Variants in SPIRE1 observed in about 807,000 individuals in gnomAD.
SPIRE1 encodes the protein spire type actin nucleation factor 1.
In SPIRE1, 40 loss-of-function variants were observed where a neutral mutation model predicts 94.1. That is an observed-to-expected ratio of 0.43 (90% confidence interval 0.33 to 0.55). SPIRE1 has a LOEUF of 0.55. Among genes scored for constraint, SPIRE1 ranks in the 20% least tolerant of loss-of-function variants. SPIRE1 has a pLI of 0.06. For synonymous variants in SPIRE1, 376 were observed against 371.7 expected (o/e 1.01, Z -0.13); for missense variants, 838 against 975.2 (o/e 0.86, Z 1.87).
At chr18:12,580,159 A>G (rs1470223953) in intron 2 of SPIRE1, among the ~76,000 whole-genome samples, 1 of 152,170 alleles carries the variant, frequency 6.6e-6, no homozygotes, top group African/African-American at 2.4e-5. Flanking sequence ...AGATGCAGGC[A>G]GGTGGACTGG....
At chr18:12,464,615 C>A (rs1437999653) in intron 11 of SPIRE1, among the ~76,000 whole-genome samples, 1 of 152,168 alleles carries the variant, frequency 6.6e-6, no homozygotes, top group Admixed American at 6.6e-5. Context: ...GAACGCTACA[C>A]ACACAACTGA....
At chr18:12,599,272 T>C (rs1400583938) in intron 2 of SPIRE1, among the ~76,000 whole-genome samples, 1 of 152,224 alleles carries the variant, frequency 6.6e-6, no homozygotes, top group Non-Finnish European at 1.5e-5. Flanking sequence ...TTTTCTTTTT[T>C]TGAGACAGAG....
chr18:12,552,490 T>C (rs571897266), intron 2 of SPIRE1, among the ~76,000 whole-genome samples: 1 of 152,224 alleles, frequency 6.6e-6, no homozygotes, highest in East Asian at 1.9e-4. Context: ...CCACCCCTCA[T>C]ATTGTCTTAT....
intron 4 of SPIRE1, among the ~76,000 whole-genome samples, chr18:12,520,861 G>A (rs2034336519): frequency 6.6e-6 from 1 of 152,188 alleles, no homozygotes; most frequent in South Asian, 2.1e-4. Context: ...CTGTGAATGA[G>A]ACAGACGTCT....
chr18:12,585,182 TTAA>T (rs2036362664), intron 2 of SPIRE1, among the ~76,000 whole-genome samples: 2 of 152,222 alleles, frequency 1.3e-5, no homozygotes, highest in South Asian at 4.1e-4. Context: ...GAAGACTGTC[TTAA>T]TAATATGAAT....
chr18:12,613,298 T>C (rs1349028700), intron 2 of SPIRE1, among the ~76,000 whole-genome samples: 2 of 152,224 alleles, frequency 1.3e-5, no homozygotes, highest in Admixed American at 1.3e-4. Context: ...TGGAATCTAC[T>C]GTGTGTTTGT....
chr18:12,569,039 TAGA>T (rs2035886462), intron 2 of SPIRE1, among the ~76,000 whole-genome samples: 1 of 152,128 alleles, frequency 6.6e-6, no homozygotes, highest in South Asian at 2.1e-4. Flanking sequence ...CCCATACTCT[TAGA>T]AATACAGGCA....
intron 8 of SPIRE1, among the ~76,000 whole-genome samples, chr18:12,488,464 AGTT>A (rs1049047902): frequency 2.0e-5 from 3 of 152,112 alleles, no homozygotes; most frequent in African/African-American, 7.2e-5. Context: ...ATGTCTCTCT[AGTT>A]GCTGTTTTCC....
rs80219864 is a variant in SPIRE1, at chr18:12,585,549, A to G, written c.373-38645T>C. ...GTTAGTGTGTCTATATAATGGGGAT[A>G]ATAACTGTACCTGCTTCATAAGGGT... On this transcript the variant is annotated intron_variant, in intron 2 of 16. Transcript: ENST00000409402. Among the ~76,000 whole-genome samples, 385 of 152,344 alleles carry G rather than the reference A, an allele frequency of 2.5e-3. 14 individuals are homozygous for G. The East Asian group carries it at 0.069, about 27-fold the overall frequency.
chr18:12,465,440 G>A (rs2032052695), intron 10 of SPIRE1, among the ~76,000 whole-genome samples: 1 of 152,198 alleles, frequency 6.6e-6, no homozygotes, highest in East Asian at 1.9e-4. Context: ...GGTGTGAGCC[G>A]CTGCACCTGG....
At chr18:12,476,047 G>A (rs1445673868) in intron 10 of SPIRE1, among the ~76,000 whole-genome samples, 2 of 152,172 alleles carry the variant, frequency 1.3e-5, no homozygotes, top group East Asian at 1.9e-4. Flanking sequence ...TTAACCAGTT[G>A]ATGATCTGAA....
intron 3 of SPIRE1, among the ~76,000 whole-genome samples, chr18:12,538,882 C>T (rs2144225743): frequency 6.6e-6 from 1 of 152,214 alleles, no homozygotes; most frequent in South Asian, 2.1e-4. Context: ...CTTGTTGTTT[C>T]TACCTTCAAA....
At chr18:12,471,706 C>A (rs1180971029) in intron 10 of SPIRE1, among the ~76,000 whole-genome samples, 1 of 152,218 alleles carries the variant, frequency 6.6e-6, no homozygotes, top group African/African-American at 2.4e-5. Context: ...CAGAGTTAGA[C>A]AGACTTGGGT....
intron 1 of SPIRE1, among the ~76,000 whole-genome samples, chr18:12,650,283 G>A (rs1305322943): frequency 2.6e-5 from 4 of 152,094 alleles, no homozygotes; most frequent in Non-Finnish European, 5.9e-5. Flanking sequence ...AGCAGGCCAG[G>A]CATGGTGGCT....
chr18:12,577,138 A>G (rs1160547228), intron 2 of SPIRE1, among the ~76,000 whole-genome samples: 1 of 151,596 alleles, frequency 6.6e-6, no homozygotes, highest in Non-Finnish European at 1.5e-5. Flanking sequence ...ATATACAAAA[A>G]TTATTATTAT....
At chr18:12,485,810 A>G (rs1276430053) in intron 9 of SPIRE1, 149 bp downstream of exon 9, 1 of 636,978 alleles carries the variant, frequency 1.6e-6, no homozygotes, top group Non-Finnish European at 2.8e-6. Flanking sequence ...GTTTTCAAAC[A>G]AGCAGAATGT....
upstream of SPIRE1, chr18:12,661,689 C>A (rs1159048379): frequency 6.6e-6 from 1 of 152,294 alleles, no homozygotes; most frequent in African/African-American, 2.4e-5. Context: ...GCAGGAGAAT[C>A]GCTTGAACCC....
Position 12,461,426 on chromosome 18 carries a change from G to GTA in SPIRE1, c.1638+1924_1638+1925insTA, listed in dbSNP as rs1555680891. On this transcript the variant is annotated intron_variant, in intron 12 of 16. Coordinates refer to ENST00000409402, the MANE Select transcript of SPIRE1 (RefSeq NM_001128626.2). ...CCTATACACATGTATGTGTGTGTGT[G>GTA]TGTATGTATGTATATACATACATGT... Among the ~76,000 whole-genome samples, 691 of 71,096 alleles carry GTA rather than the reference G, an allele frequency of 9.7e-3. 8 individuals carry two copies. The highest frequency in any genetic ancestry group is 0.037 in the Middle Eastern group (4 of 108). 46.6% of individuals were successfully genotyped at this position (71,096 alleles called of 152,430 possible).
At chr18:12,501,469 C>T (rs181752736) in intron 6 of SPIRE1, among the ~76,000 whole-genome samples, 87 of 152,310 alleles carry the variant, frequency 5.7e-4, no homozygotes, top group Non-Finnish European at 8.1e-4. Flanking sequence ...ACTGCGACTG[C>T]GCCTCCCGAG....
Sources: allele counts gnomAD v4.1 joint callset (sites outside exome capture counted in the v4.1 genomes callset), GRCh38; gene constraint gnomAD v4.1.1; transcripts MANE v1.5; gene names NCBI Gene and HGNC (gene_info 2026-07-23, HGNC 2026-07-21).